Variants in PDE3B observed in about 807,000 individuals in gnomAD.
PDE3B encodes cGMP-inhibited 3',5'-cyclic phosphodiesterase 3B.
Under a neutral mutation model 116.8 loss-of-function variants are expected in PDE3B, and 66 were observed. That is an observed-to-expected ratio of 0.56 (90% CI 0.46 to 0.69). The LOEUF (loss-of-function observed/expected upper bound fraction) is 0.69. Among genes scored for constraint, PDE3B ranks in the 30% least tolerant of loss-of-function variants. The pLI, the probability that PDE3B is intolerant of heterozygous loss-of-function variation, is 0.00. For synonymous variants in PDE3B, 595 were observed against 533.6 expected (o/e 1.12, Z -1.59); for missense variants, 1,384 against 1,368.1 (o/e 1.01, Z -0.18).
intron 1 of PDE3B, among the ~76,000 whole-genome samples, chr11:14,743,461 A>C (rs1856822417): frequency 6.6e-6 from 1 of 152,200 alleles, no homozygotes; most frequent in Non-Finnish European, 1.5e-5. Flanking sequence ...TGCTGGCAGC[A>C]AGAATTTCAA....
chr11:14,812,517 T>G (rs1859173437), intron 5 of PDE3B, among the ~76,000 whole-genome samples: 2 of 151,970 alleles, frequency 1.3e-5, no homozygotes, highest in African/African-American at 4.8e-5. Flanking sequence ...AGAGAAAAAT[T>G]AAAAATCTGT....
chr11:14,664,076 A>G (rs1017926887), intron 1 of PDE3B, among the ~76,000 whole-genome samples: 1 of 152,254 alleles, frequency 6.6e-6, no homozygotes, highest in African/African-American at 2.4e-5. Context: ...CTCTCAGACC[A>G]CAGTGCAATC....
rs1467273322 is a variant in PDE3B at position 14,871,747 on chromosome 11, A to G, written c.*2087A>G. The G allele has an allele frequency of 6.6e-6, 1 of 152,190 alleles. No individual in the cohort carries two copies. Among genetic ancestry groups the G allele is most frequent in the African/African-American group, 2.4e-5 (1 of 41,454 alleles). The allele number at this position is 152,190 out of a possible 1,614,324, so 9.4% of individuals were successfully genotyped here. A position where few individuals can be genotyped will look rare whatever the true frequency, so the allele number is the denominator to read the frequency against. On this transcript the variant is annotated 3_prime_UTR_variant, in exon 16 of 16. Coordinates refer to ENST00000282096, the MANE Select transcript of PDE3B (RefSeq NM_000922.4). ...TGACATATGTAACAATAACTAGCCT[A>G]AAGAAACCCAAAAAAGTATCTCTCC...
chr11:14,795,928 A>C (rs1292762443), intron 4 of PDE3B, among the ~76,000 whole-genome samples: 1 of 152,040 alleles, frequency 6.6e-6, no homozygotes, highest in Non-Finnish European at 1.5e-5. Context: ...CAGAATGTGC[A>C]GTTTTGTTAC....
chr11:14,855,925 C>T (rs782755837), intron 12 of PDE3B, among the ~76,000 whole-genome samples: 17 of 152,150 alleles, frequency 1.1e-4, no homozygotes, highest in Non-Finnish European at 1.8e-4. Flanking sequence ...AAATGTATTT[C>T]AGCAGAAGAA....
At position 14,871,794 on chromosome 11, in the gene PDE3B, G is replaced by GT. The variant is rs545388123; in HGVS notation, c.*2135dup. 17 of 152,218 alleles carry GT rather than the reference G, an allele frequency of 1.1e-4. No homozygotes were observed. Among genetic ancestry groups the GT allele is most frequent in the African/African-American group, 3.4e-4 (14 of 41,536 alleles). 9.4% of individuals were successfully genotyped at this position (152,218 alleles called of 1,614,324 possible). The stretch of plus-strand genomic sequence containing the variant: ...CTCCCGAGCTGAAACTTAAAAATTC[G>GT]TAAGTGTAAGAAAGAATGTGAGAAT... On this transcript the variant is annotated 3_prime_UTR_variant, in exon 16 of 16. Transcript: ENST00000282096.
At position 14,832,827 on chromosome 11, in the gene PDE3B, A is replaced by T; in HGVS notation, c.2200A>T (p.Ile734Phe). Residue 734 changes from isoleucine (I) to phenylalanine (F), a missense_variant, in exon 10 of 16, where the codon ATT becomes TTT. Physicochemically the swap from Ile to Phe is conservative, Grantham distance 21. Around this residue, in one of 2 missense-constraint regions of PDE3B, gnomAD observed 428 missense variants for 561.4 expected, o/e 0.76. Transcript: ENST00000282096. ...FRALENGYRD[I>F]PYHNRIHATD... ...TGCATTAGAAAATGGCTATCGAGAC[A>T]TTCCTTGTAAGTATTAACATATTTT... is the stretch of plus-strand genomic sequence containing the variant. The T allele has an allele frequency of 7.4e-7, 1 of 1,344,240 alleles. No homozygotes were observed. The highest frequency in any genetic ancestry group is 1.1e-6 in the Non-Finnish European group (1 of 951,134). 83.3% of individuals were successfully genotyped at this position (1,344,240 alleles called of 1,614,324 possible).
At chr11:14,845,399 C>T (rs1187035397) in intron 12 of PDE3B, among the ~76,000 whole-genome samples, 1 of 152,112 alleles carries the variant, frequency 6.6e-6, no homozygotes, top group Admixed American at 6.5e-5. Flanking sequence ...AAAAACAGAG[C>T]AGAAAAACTG....
intron 4 of PDE3B, among the ~76,000 whole-genome samples, chr11:14,789,581 G>C (rs558782339): frequency 3.4e-4 from 52 of 152,128 alleles, no homozygotes; most frequent in African/African-American, 1.2e-3. Flanking sequence ...CCAATCCAAT[G>C]AATAGTATCC....
At chr11:14,770,869 T>G (rs1292050450) in intron 1 of PDE3B, among the ~76,000 whole-genome samples, 1 of 151,724 alleles carries the variant, frequency 6.6e-6, no homozygotes, top group Non-Finnish European at 1.5e-5. Context: ...ATGTAAAATA[T>G]GAGTCAGCAA....
intron 1 of PDE3B, among the ~76,000 whole-genome samples, chr11:14,716,062 C>T (rs1270836803): frequency 1.3e-5 from 2 of 152,050 alleles, no homozygotes; most frequent in Admixed American, 6.6e-5. Flanking sequence ...AGTGGGTGTG[C>T]GCACCGTGCG....
chr11:14,774,672 GA>G (rs1259946271), intron 2 of PDE3B: 1 of 152,158 alleles, frequency 6.6e-6, no homozygotes, highest in African/African-American at 2.4e-5. Context: ...TAAGTGAATG[GA>G]AAATAGGAAT....
chr11:14,817,096 A>G (rs1157764481), intron 5 of PDE3B, among the ~76,000 whole-genome samples: 1 of 152,232 alleles, frequency 6.6e-6, no homozygotes, highest in Non-Finnish European at 1.5e-5. Context: ...ACCATGGAAT[A>G]CTGTGCAGCC....
chr11:14,786,335 C>A, intron 2 of PDE3B, 102 bp from the exon 3 acceptor site: 1 of 788,338 alleles, frequency 1.3e-6, no homozygotes, highest in Non-Finnish European at 1.9e-6. Context: ...CGGTTATTTG[C>A]TACATATATA....
intron 12 of PDE3B, among the ~76,000 whole-genome samples, chr11:14,851,536 T>G (rs1473220644): frequency 7.3e-6 from 1 of 136,980 alleles, no homozygotes; most frequent in Non-Finnish European, 1.6e-5. Flanking sequence ...GTGTGTGTGT[T>G]AATGGGTTAA....
At chr11:14,746,868 C>T (rs1856923458) in intron 1 of PDE3B, among the ~76,000 whole-genome samples, 1 of 152,194 alleles carries the variant, frequency 6.6e-6, no homozygotes, top group Admixed American at 6.5e-5. Flanking sequence ...ATTTCCATCT[C>T]TATGGCTTTA....
intron 14 of PDE3B, among the ~76,000 whole-genome samples, chr11:14,866,446 C>A (rs559460439): frequency 6.6e-6 from 1 of 152,174 alleles, no homozygotes; most frequent in East Asian, 1.9e-4. Context: ...TAGATGCCTA[C>A]AGCCATTTAA....
intron 1 of PDE3B, among the ~76,000 whole-genome samples, chr11:14,739,079 A>T (rs1467992871): frequency 6.6e-6 from 1 of 152,198 alleles, no homozygotes; most frequent in East Asian, 1.9e-4. Context: ...TGACTTGGCT[A>T]TGCAGGCCCT....
chr11:14,650,001 T>G (rs945109694), intron 1 of PDE3B, among the ~76,000 whole-genome samples: 13 of 152,184 alleles, frequency 8.5e-5, no homozygotes, highest in Non-Finnish European at 1.3e-4. Flanking sequence ...TTATTTAGGT[T>G]GTTGTTATAA....
Sources: gnomAD v4.1 joint callset for allele counts (sites outside exome capture counted in the v4.1 genomes callset) on GRCh38, gnomAD v4.1.1 for gene constraint, gnomAD v4.1.1 regional missense constraint, MANE v1.5 for transcripts, NCBI Gene and HGNC (gene_info 2026-07-23, HGNC 2026-07-21) for gene names.